Variants in CUX2 observed in about 807,000 individuals in gnomAD.
CUX2 encodes cut like homeobox 2.
A neutral mutation model predicts 144.8 loss-of-function variants in CUX2; 40 were observed. That is an observed-to-expected ratio of 0.28 (90% CI 0.21 to 0.36). CUX2 has a LOEUF of 0.36. Among genes scored for constraint, CUX2 ranks in the 10% least tolerant of loss-of-function variants. The pLI is 1.00. For synonymous variants in CUX2, 827 were observed against 875.6 expected, an observed-to-expected ratio of 0.94 and a Z score of 0.98; for missense variants, 1,615 against 1,994.0, an observed-to-expected ratio of 0.81 and a Z score of 3.62.
chr12:111,158,394 AGCCAG>A (rs896939196), intron 1 of CUX2, among the ~76,000 whole-genome samples: 5 of 151,608 alleles, frequency 3.3e-5, no homozygotes, highest in African/African-American at 1.2e-4. Flanking sequence ...GATCTCTTGA[AGCCAG>A]GAGTTTGAGG....
rs1592911224 is a variant in CUX2, at chr12:111,278,955, A to G, written c.302-12463A>G. On this transcript the variant is annotated intron_variant, in intron 4 of 21. Transcript: ENST00000261726. ...TCCCTACCCCAGCTCCCAGCAAGGTAGCTCAGGGCTCCATGAATTCCTGCC... is the reference window on the plus strand; with the variant it reads ...TCCCTACCCCAGCTCCCAGCAAGGTGGCTCAGGGCTCCATGAATTCCTGCC... 2.6e-5 allele frequency among the ~76,000 whole-genome samples: 4 copies of G among 152,332 alleles called. No homozygotes were observed. The East Asian group carries it at 7.7e-4, about 29-fold the overall frequency.
chr12:111,074,179 A>T (rs1237819021), intron 1 of CUX2, among the ~76,000 whole-genome samples: 4 of 151,998 alleles, frequency 2.6e-5, no homozygotes, highest in Non-Finnish European at 5.9e-5. Context: ...CACTGCAGTG[A>T]ATAACATCCT....
chr12:111,261,190 G>A (rs1034013617), intron 3 of CUX2, among the ~76,000 whole-genome samples: 7 of 152,150 alleles, frequency 4.6e-5, no homozygotes, highest in Admixed American at 1.3e-4. Context: ...TTTGCTAACC[G>A]GGTGACCTTG....
rs1475843342 is a variant in CUX2 at position 111,309,608 on chromosome 12, C to T, written c.1259-433C>T. Among the ~76,000 whole-genome samples, 3 of 148,926 alleles carry T rather than the reference C, an allele frequency of 2.0e-5. No homozygotes were observed. The Admixed American group carries it at 2.0e-4, about 10-fold the overall frequency. On this transcript the variant is annotated intron_variant, in intron 14 of 21. Transcript: ENST00000261726. ...CCTCCCCACCAACCCCTTCCCTCCT[C>T]CTCCTCCTTCCTTCCTCTATTTCTG...
chr12:111,110,448 G>A (rs1371507636), intron 1 of CUX2, among the ~76,000 whole-genome samples: 1 of 152,020 alleles, frequency 6.6e-6, no homozygotes, highest in Non-Finnish European at 1.5e-5. Context: ...TCGCCAGAGT[G>A]ACTCAAACAT....
intron 1 of CUX2, among the ~76,000 whole-genome samples, chr12:111,154,009 A>T (rs944647993): frequency 1.3e-5 from 2 of 152,118 alleles, no homozygotes; most frequent in Non-Finnish European, 2.9e-5. Context: ...GACACCAACG[A>T]TACTGGATTG....
intron 1 of CUX2, among the ~76,000 whole-genome samples, chr12:111,134,608 C>CTGTGTG (rs1385633104): frequency 2.2e-5 from 3 of 138,016 alleles, no homozygotes; most frequent in African/African-American, 1.1e-4. Flanking sequence ...CTCTCTCTCT[C>CTGTGTG]TCTCTCTCTC....
rs575918715 is a variant in CUX2, at chr12:111,088,180, T to C, written c.63+53940T>C. Among the ~76,000 whole-genome samples the C allele has an allele frequency of 1.4e-3, 211 of 152,276 alleles. 1 individual carries two copies. Among genetic ancestry groups the C allele is most frequent in the Admixed American group, 2.8e-3 (43 of 15,292 alleles). Reference sequence around the variant, plus strand: ...CTTATCAAAGGGCAGCACGAAGGCCTGGGGGTGATGAAATGCTCTGTACCT... The same window carrying C: ...CTTATCAAAGGGCAGCACGAAGGCCCGGGGGTGATGAAATGCTCTGTACCT... On this transcript the variant is annotated intron_variant, in intron 1 of 21. Transcript: ENST00000261726.
rs1468807805 is a variant in CUX2 at position 111,061,735 on chromosome 12, C to T, written c.63+27495C>T. ...GGGTCACTCTCCCCTCAGCCTGGCC[C>T]TGGCCCTGGGTATCTCTGGGTTTTT... On this transcript the variant is annotated intron_variant, in intron 1 of 21. Coordinates refer to ENST00000261726, the MANE Select transcript of CUX2 (RefSeq NM_015267.4). The surrounding 1 kb of genome is among the most constrained non-coding windows in gnomAD (Gnocchi z 4.2). Among the ~76,000 whole-genome samples, 1 of 152,210 alleles carries T rather than the reference C, an allele frequency of 6.6e-6. No individual in the cohort carries two copies. Among genetic ancestry groups the T allele is most frequent in the African/African-American group, 2.4e-5 (1 of 41,452 alleles).
At chr12:111,096,696 C>A (rs1872836611) in intron 1 of CUX2, among the ~76,000 whole-genome samples, 1 of 152,126 alleles carries the variant, frequency 6.6e-6, no homozygotes, top group Admixed American at 6.5e-5. Context: ...TTCAGGAGAT[C>A]TGGCTTGAAG....
chr12:111,185,125 A>G (rs543034373), intron 1 of CUX2, among the ~76,000 whole-genome samples: 1 of 152,340 alleles, frequency 6.6e-6, no homozygotes, highest in African/African-American at 2.4e-5. Context: ...CAAAGGAAAG[A>G]AAGATTCTGC....
chr12:111,083,386 G>A (rs751715948), intron 1 of CUX2, among the ~76,000 whole-genome samples: 8 of 152,136 alleles, frequency 5.3e-5, no homozygotes, highest in Admixed American at 1.3e-4. Flanking sequence ...GCCTGGGGCC[G>A]GGGTCCAAGG....
chr12:111,119,070 C>A (rs758432412), intron 1 of CUX2, among the ~76,000 whole-genome samples: 3 of 152,206 alleles, frequency 2.0e-5, no homozygotes, highest in Non-Finnish European at 4.4e-5. Flanking sequence ...TCTCAGTTTT[C>A]CCAACAATAA....
chr12:111,271,383 A>G (rs1486336084), intron 4 of CUX2, among the ~76,000 whole-genome samples: 2 of 152,202 alleles, frequency 1.3e-5, no homozygotes, highest in Non-Finnish European at 2.9e-5. Flanking sequence ...CTGATTCTAC[A>G]TGTACCGTTT....
chr12:111,247,871 G>A (rs1196334533), intron 3 of CUX2, among the ~76,000 whole-genome samples: 3 of 152,142 alleles, frequency 2.0e-5, no homozygotes, highest in Admixed American at 1.3e-4. Flanking sequence ...ACCTCACCCT[G>A]TGTTTAACAG....
At chr12:111,265,303 A>AT (rs1423576457) in intron 4 of CUX2, among the ~76,000 whole-genome samples, 26 of 147,232 alleles carry the variant, frequency 1.8e-4, no homozygotes, top group African/African-American at 5.9e-4. Flanking sequence ...ATTTTATTTT[A>AT]TTTTATTTTT....
intron 1 of CUX2, among the ~76,000 whole-genome samples, chr12:111,089,222 C>T (rs1872418027): frequency 6.6e-6 from 1 of 152,266 alleles, no homozygotes; most frequent in Admixed American, 6.5e-5. Context: ...ATCAAGGGCA[C>T]AGGCCCTGGA....
chr12:111,115,279 CTTTTTT>C (rs869307048), intron 1 of CUX2, among the ~76,000 whole-genome samples: 1,764 of 88,706 alleles, frequency 0.02, 28 homozygotes, highest in African/African-American at 0.069. Context: ...AATAAAATTT[CTTTTTT>C]TTTTTTTTTT....
intron 18 of CUX2, among the ~76,000 whole-genome samples, chr12:111,328,974 T>TCTCTCTCTCTCTCTCTCTCTCTCTC (rs1435391998): frequency 1.5e-5 from 1 of 65,352 alleles, no homozygotes; most frequent in Non-Finnish European, 2.6e-5. Context: ...TCTCTCTCTC[T>TCTCTCTCTCTCTCTCTCTCTCTCTC]CCCCCTCTCT....
Sources: allele counts gnomAD v4.1 joint callset (sites outside exome capture counted in the v4.1 genomes callset), GRCh38; gene constraint gnomAD v4.1.1; non-coding constraint Gnocchi (gnomAD v3.1); transcripts MANE v1.5; gene names NCBI Gene and HGNC (gene_info 2026-07-23, HGNC 2026-07-21).